Variants in PPP3CA observed in about 807,000 individuals in gnomAD.
The protein encoded by PPP3CA is CAM-PRP catalytic subunit.
PPP3CA carries 14 observed loss-of-function variants against 66.5 expected under a neutral mutation model. That is an observed-to-expected ratio of 0.21 (90% CI 0.14 to 0.33). The LOEUF is 0.33. Among genes scored for constraint, PPP3CA ranks in the 10% least tolerant of loss-of-function variants. PPP3CA has a pLI of 1.00. For missense variants in PPP3CA, 317 were observed against 639.5 expected (o/e 0.50, Z 5.44); for synonymous variants, 232 against 226.2 (o/e 1.03, Z -0.23).
chr4:101,336,048 T>TAC (rs150022258), intron 1 of PPP3CA, among the ~76,000 whole-genome samples: 2,740 of 150,454 alleles, frequency 0.018, 58 homozygotes, highest in African/African-American at 0.055. Context: ...CTACTAAAAA[T>TAC]ACACACACAC....
chr4:101,342,946 G>C (rs1729863583), intron 1 of PPP3CA, among the ~76,000 whole-genome samples: 1 of 152,046 alleles, frequency 6.6e-6, no homozygotes, highest in Non-Finnish European at 1.5e-5. Context: ...TTGCTTCTAT[G>C]ATCTTAGCAT....
intron 1 of PPP3CA, among the ~76,000 whole-genome samples, chr4:101,240,085 G>C (rs1726258695): frequency 6.6e-6 from 1 of 151,778 alleles, no homozygotes; most frequent in Non-Finnish European, 1.5e-5. Flanking sequence ...TGGAACACAA[G>C]ATCAACTGGT....
At chr4:101,129,531 C>A (rs992498183) in intron 2 of PPP3CA, among the ~76,000 whole-genome samples, 3 of 152,168 alleles carry the variant, frequency 2.0e-5, no homozygotes, top group African/African-American at 7.2e-5. Flanking sequence ...CCCTCTGGGA[C>A]AAAGCTTCTA....
At chr4:101,175,721 T>C (rs1460967448) in intron 2 of PPP3CA, among the ~76,000 whole-genome samples, 1 of 152,144 alleles carries the variant, frequency 6.6e-6, no homozygotes, top group African/African-American at 2.4e-5. Context: ...AGGTAGAAAG[T>C]AGTGCTCTTT....
chr4:101,210,873 C>A (rs1725278696), intron 1 of PPP3CA, among the ~76,000 whole-genome samples: 1 of 152,082 alleles, frequency 6.6e-6, no homozygotes, highest in African/African-American at 2.4e-5. Flanking sequence ...TAGTTATGTT[C>A]TTAAATATCA....
chr4:101,275,450 T>C lies in PPP3CA; in HGVS notation c.58+71289A>G, dbSNP rs186844776. Among the ~76,000 whole-genome samples, 144 of 152,302 alleles carry C rather than the reference T, an allele frequency of 9.5e-4. No homozygotes were observed. The Middle Eastern group carries it at 0.01, about 11-fold the overall frequency. On this transcript the variant is annotated intron_variant, in intron 1 of 13. Transcript: ENST00000394854. ...CACGGTTGCCAGTATATTATAACCT[T>C]GTACCACCCATATTCCTTGAGAGCA...
At chr4:101,156,641 G>A (rs1723330965) in intron 2 of PPP3CA, among the ~76,000 whole-genome samples, 1 of 151,906 alleles carries the variant, frequency 6.6e-6, no homozygotes, top group Non-Finnish European at 1.5e-5. Context: ...TTGCACTCCA[G>A]CCTGGGCAAC....
intron 10 of PPP3CA, among the ~76,000 whole-genome samples, chr4:101,051,034 T>C (rs1487963440): frequency 6.6e-6 from 1 of 152,056 alleles, no homozygotes; most frequent in African/African-American, 2.4e-5. Context: ...TTGGAGACAA[T>C]GAGAGCAGCC....
In PPP3CA at chr4:101,026,072, A is replaced by C; in HGVS notation, c.1370-11T>G. 5 of 1,572,306 alleles carry C rather than the reference A, an allele frequency of 3.2e-6. No homozygotes were observed. Among genetic ancestry groups the C allele is most frequent in the Non-Finnish European group, 4.3e-6 (5 of 1,160,078 alleles). ...AAAATCCTTTGATAGCTAAACAGAA[A>C]ATCATTAAAAAAAGAAAACCAGGAT... On this transcript the variant is annotated splice_polypyrimidine_tract_variant and intron_variant, in intron 13 of 13. Coordinates refer to ENST00000394854, the MANE Select transcript of PPP3CA (RefSeq NM_000944.5).
In PPP3CA at chr4:101,109,197, T is replaced by C. The variant is rs1721569707; in HGVS notation, c.260-119A>G. 7.4e-6 allele frequency: 8 copies of C among 1,077,068 alleles called. No individual in the cohort carries two copies. In the South Asian group the frequency reaches 1.2e-4, roughly 16 times the overall value. 66.7% of individuals were successfully genotyped at this position (1,077,068 alleles called of 1,614,324 possible). On this transcript the variant is annotated intron_variant, in intron 2 of 13. Coordinates refer to ENST00000394854, the MANE Select transcript of PPP3CA (RefSeq NM_000944.5). ...AAGTTTATCTGAGCCAAAACATTCTTTTGCAGAACAAGAAGTACGACAGAA... is the reference window on the plus strand; with the variant it reads ...AAGTTTATCTGAGCCAAAACATTCTCTTGCAGAACAAGAAGTACGACAGAA...
At chr4:101,207,279 A>C (rs538940814) in intron 1 of PPP3CA, among the ~76,000 whole-genome samples, 1 of 152,328 alleles carries the variant, frequency 6.6e-6, no homozygotes, top group South Asian at 2.1e-4. Context: ...CTAGTTTATA[A>C]GAATGCTATT....
At chr4:101,063,208 A>T (rs774400784) in intron 9 of PPP3CA, 24 bp downstream of exon 9, 3 of 1,606,316 alleles carry the variant, frequency 1.9e-6, no homozygotes, top group Non-Finnish European at 1.7e-6. Flanking sequence ...TTTAAGAAGA[A>T]CATCTCAGGA....
rs3804423 is a variant in PPP3CA, at chr4:101,266,705, G to A, written c.59-70589C>T. Among the ~76,000 whole-genome samples, 674 of 152,214 alleles carry A rather than the reference G, an allele frequency of 4.4e-3. 15 individuals are homozygous for A. The East Asian group carries it at 0.06, about 13-fold the overall frequency. On this transcript the variant is annotated intron_variant, in intron 1 of 13. Coordinates refer to ENST00000394854, the MANE Select transcript of PPP3CA (RefSeq NM_000944.5). ...GTCCATACTAGACCAGTCCATACAGGTCTAGCAATTGAACCTGAGTTCAAC... is the reference window on the plus strand; with the variant it reads ...GTCCATACTAGACCAGTCCATACAGATCTAGCAATTGAACCTGAGTTCAAC...
Position 101,250,917 on chromosome 4 carries a change from C to T in PPP3CA, c.59-54801G>A, listed in dbSNP as rs193111438. The stretch of plus-strand genomic sequence containing the variant: ...TGTGATTACCAAGGGGCTCTTTTCC[C>T]GAACAATCAGTTTGGTATGATGACT... On this transcript the variant is annotated intron_variant, in intron 1 of 13. Transcript: ENST00000394854. Among the ~76,000 whole-genome samples, 478 of 151,892 alleles carry T rather than the reference C, an allele frequency of 3.1e-3. 2 individuals carry two copies. The Middle Eastern group carries it at 0.037, about 12-fold the overall frequency.
In PPP3CA at chr4:101,197,486, G is replaced by A. The variant is rs72681056; in HGVS notation, c.59-1370C>T. ...TTTGTGGTCAGACAAACCTGGGTGCGAACCTTGCACTCTGCACACTCACCA... is the reference window on the plus strand; with the variant it reads ...TTTGTGGTCAGACAAACCTGGGTGCAAACCTTGCACTCTGCACACTCACCA... On this transcript the variant is annotated intron_variant, in intron 1 of 13. Transcript: ENST00000394854. 3.4e-3 allele frequency among the ~76,000 whole-genome samples: 525 copies of A among 152,244 alleles called. 3 individuals are homozygous for A. Among genetic ancestry groups the A allele is most frequent in the Middle Eastern group, 6.8e-3 (2 of 294 alleles).
chr4:101,338,868 A>G (rs958283889), intron 1 of PPP3CA, among the ~76,000 whole-genome samples: 1 of 152,238 alleles, frequency 6.6e-6, no homozygotes, highest in African/African-American at 2.4e-5. Context: ...ATTCCTTTGT[A>G]AAAAGCAAAC....
intron 2 of PPP3CA, among the ~76,000 whole-genome samples, chr4:101,168,134 G>T (rs1335868791): frequency 6.6e-6 from 1 of 152,206 alleles, no homozygotes; most frequent in Non-Finnish European, 1.5e-5. Flanking sequence ...GGAAGGGCTA[G>T]TGCAGACAGG....
intron 1 of PPP3CA, among the ~76,000 whole-genome samples, chr4:101,244,336 A>AT (rs1237930697): frequency 1.3e-5 from 2 of 152,018 alleles, no homozygotes; most frequent in Non-Finnish European, 2.9e-5. Flanking sequence ...GGGATCTCCT[A>AT]TTTTTTTCAT....
intron 1 of PPP3CA, among the ~76,000 whole-genome samples, chr4:101,295,996 A>G (rs1467942245): frequency 6.6e-6 from 1 of 152,068 alleles, no homozygotes; most frequent in Non-Finnish European, 1.5e-5. Flanking sequence ...TTTGTAACAG[A>G]TTTGAAAATA....
Sources: gnomAD v4.1 joint callset for allele counts (sites outside exome capture counted in the v4.1 genomes callset) on GRCh38, gnomAD v4.1.1 for gene constraint, MANE v1.5 for transcripts, NCBI Gene and HGNC (gene_info 2026-07-23, HGNC 2026-07-21) for gene names.